NDE1: variants seen among roughly 807,000 people sequenced by gnomAD.
NDE1 encodes nudE neurodevelopment protein 1, also known as nuclear distribution protein nudE homolog 1.
A neutral mutation model predicts 43.4 loss-of-function variants in NDE1; 28 were observed. The ratio of observed to expected loss-of-function variants is 0.65; its 90% CI spans 0.48 to 0.89. The LOEUF is 0.89. Ranked by LOEUF, NDE1 falls within the 40% of genes least tolerant of loss-of-function variation. The pLI is 0.00. For missense variants in NDE1, 441 were observed against 434.1 expected, an observed-to-expected ratio of 1.02 and a Z score of -0.14; for synonymous variants, 184 against 172.0, an observed-to-expected ratio of 1.07 and a Z score of -0.55.
Position 15,664,789 on chromosome 16 carries a change from C to A in NDE1, c.11C>A (p.Ser4Tyr), listed in dbSNP as rs779876189. ...TCCCCTGTTTTCACAATGGAGGACT[C>A]CGGAAAGACTTTCAGCTCCGAGGAG... Reference protein sequence around the residue: MEDSGKTFSSEEEE... With the variant: MEDYGKTFSSEEEE... The change falls in exon 2 of 9, where the codon TCC becomes TAC. Residue 4 changes from serine to tyrosine, a missense_variant. Coordinates refer to ENST00000396354, the MANE Select transcript of NDE1 (RefSeq NM_017668.3). The A allele has an allele frequency of 1.2e-6, 2 of 1,612,812 alleles. No individual in the cohort carries two copies. The highest frequency in any genetic ancestry group is 2.2e-5 in the South Asian group (2 of 91,042).
chr16:15,648,021 A>T (rs1205505104), upstream of NDE1, among the ~76,000 whole-genome samples: 3 of 141,402 alleles, frequency 2.1e-5, no homozygotes, highest in Non-Finnish European at 4.6e-5. Flanking sequence ...TCACAGGGTG[A>T]GACTCTGTCT....
intron 8 of NDE1, among the ~76,000 whole-genome samples, chr16:15,715,779 T>TG (rs1048020262): frequency 2.6e-5 from 4 of 152,050 alleles, no homozygotes; most frequent in African/African-American, 9.7e-5. Context: ...CCCAAGTAGC[T>TG]GGGACTACAG....
At chr16:15,696,628 G>C (rs1287104564) in intron 7 of NDE1, 81 bp from the exon 8 acceptor site, 1 of 1,609,910 alleles carries the variant, frequency 6.2e-7, no homozygotes. Flanking sequence ...ACTGTCTGGG[G>C]TTCGTTCTTC....
chr16:15,711,915 ACTC>A (rs1296717978), intron 8 of NDE1, among the ~76,000 whole-genome samples: 1 of 151,916 alleles, frequency 6.6e-6, no homozygotes, highest in African/African-American at 2.4e-5. Flanking sequence ...CTGGCCTTGA[ACTC>A]CTGACCTCAG....
exon 1 of NDE1, chr16:15,643,568 G>A (rs2036204043): frequency 3.1e-6 from 1 of 322,330 alleles, no homozygotes; most frequent in Non-Finnish European, 5.9e-6. Flanking sequence ...CTGTCCCTTC[G>A]GCTTTTTTTT....
intron 8 of NDE1, among the ~76,000 whole-genome samples, chr16:15,699,234 G>A (rs888305638): frequency 6.6e-6 from 1 of 150,956 alleles, no homozygotes; most frequent in Non-Finnish European, 1.5e-5. Context: ...AAGTGCTGGG[G>A]GTTACAAGCG....
At chr16:15,720,679 G>A (rs888006166) in intron 8 of NDE1, among the ~76,000 whole-genome samples, 6 of 152,028 alleles carry the variant, frequency 3.9e-5, no homozygotes, top group Admixed American at 1.3e-4. Context: ...GTTGCAGTGA[G>A]CTGAGATTAC....
At chr16:15,644,272 C>CA (rs2036249343) in intron 1 of NDE1, among the ~76,000 whole-genome samples, 2 of 152,008 alleles carry the variant, frequency 1.3e-5, no homozygotes, top group African/African-American at 4.8e-5. Flanking sequence ...ATATTTTGCC[C>CA]AAAAAAATCC....
chr16:15,668,497 G>T (rs78757511), intron 3 of NDE1, among the ~76,000 whole-genome samples: 1 of 152,012 alleles, frequency 6.6e-6, no homozygotes, highest in African/African-American at 2.4e-5. Context: ...ACTCCTGGAC[G>T]CGAGCAGTCC....
intron 1 of NDE1, among the ~76,000 whole-genome samples, chr16:15,644,596 T>C (rs940678593): frequency 6.6e-6 from 1 of 152,122 alleles, no homozygotes; most frequent in Non-Finnish European, 1.5e-5. Context: ...TGGGAAACGG[T>C]GAAACCCTAT....
intron 1 of NDE1, among the ~76,000 whole-genome samples, chr16:15,657,741 A>T (rs1225983725): frequency 6.6e-6 from 1 of 151,982 alleles, no homozygotes; most frequent in African/African-American, 2.4e-5. Flanking sequence ...GACTACAGGC[A>T]CGCACCGCCG....
intron 8 of NDE1, chr16:15,703,880 T>TAA: frequency 2.1e-6 from 3 of 1,401,946 alleles, no homozygotes; most frequent in Non-Finnish European, 3.0e-6. Context: ...TAGACAATGC[T>TAA]AAGTACAGTC....
intron 1 of NDE1, among the ~76,000 whole-genome samples, chr16:15,653,733 AT>A (rs1302431982): frequency 3.7e-4 from 54 of 146,500 alleles, no homozygotes; most frequent in Non-Finnish European, 4.4e-4. Context: ...TGTGGAAACA[AT>A]TTTTTTTTTT....
chr16:15,721,676 G>A (rs774334961), intron 8 of NDE1: 596 of 1,604,034 alleles, frequency 3.7e-4, no homozygotes, highest in Non-Finnish European at 4.7e-4. Context: ...GCATATCCGG[G>A]GTCAGCGTCA....
In NDE1 at chr16:15,687,472, C is replaced by G. The variant is rs373936181; in HGVS notation, c.484C>G (p.Leu162Val). 3 of 1,614,170 alleles carry G rather than the reference C, an allele frequency of 1.9e-6. No homozygotes were observed. Among genetic ancestry groups the G allele is most frequent in the Non-Finnish European group, 2.5e-6 (3 of 1,180,032 alleles). Residue 162 changes from leucine (L) to valine (V), a missense_variant, in exon 5 of 9, where the codon CTC (leucine) becomes GTC (valine). Physicochemically the swap from Leu to Val is conservative, Grantham distance 32 (BLOSUM62 1). Transcript: ENST00000396354. The part of the protein sequence containing the change: ...LESELDEKEN[L>V]LESVQRLKDE... Reference sequence around the variant, plus strand: ...AAGTGAACTTGATGAAAAAGAGAATCTCCTGGAATCTGTTCAGAGACTGAA... The same window carrying G: ...AAGTGAACTTGATGAAAAAGAGAATGTCCTGGAATCTGTTCAGAGACTGAA...
intron 4 of NDE1, chr16:15,684,106 C>T (rs747035502): frequency 1.3e-5 from 2 of 152,186 alleles, no homozygotes; most frequent in Admixed American, 6.6e-5. Flanking sequence ...TGGCAGGCGC[C>T]TGTAATCCCA....
chr16:15,686,279 C>T (rs1043891174), intron 4 of NDE1: 4 of 790,280 alleles, frequency 5.1e-6, no homozygotes, highest in Non-Finnish European at 6.1e-6. Flanking sequence ...ACCCCTTCCC[C>T]ACCACAATCC....
intron 8 of NDE1, chr16:15,721,529 C>G: frequency 6.2e-7 from 1 of 1,614,222 alleles, no homozygotes; most frequent in Non-Finnish European, 8.5e-7. Context: ...TCTTCAAGGG[C>G]CCGAGCCAGG....
chr16:15,706,087 G>A (rs1291110087), intron 8 of NDE1, among the ~76,000 whole-genome samples: 3 of 151,964 alleles, frequency 2.0e-5, no homozygotes, highest in African/African-American at 7.3e-5. Context: ...AGAGACCCCG[G>A]CTGGGAAAGC....
Sources: allele counts gnomAD v4.1 joint callset (sites outside exome capture counted in the v4.1 genomes callset), GRCh38; gene constraint gnomAD v4.1.1; transcripts MANE v1.5; gene names NCBI Gene and HGNC (gene_info 2026-07-23, HGNC 2026-07-21).